Variants in KIRREL3 observed in about 807,000 individuals in gnomAD.
KIRREL3 encodes kirre like nephrin family adhesion molecule 3, also known as kin of IRRE-like protein 3.
In KIRREL3, 36 loss-of-function variants were observed where a neutral mutation model predicts 89.7. The observed-to-expected ratio is 0.40, with a 90% CI of 0.31 to 0.53. The LOEUF is 0.53. Ranked by LOEUF, KIRREL3 falls within the 20% of genes least tolerant of loss-of-function variation. KIRREL3 has a pLI of 0.49. For missense variants in KIRREL3, 864 were observed against 1,056.6 expected, an observed-to-expected ratio of 0.82 and a Z score of 2.53; for synonymous variants, 445 against 441.4, an observed-to-expected ratio of 1.01 and a Z score of -0.10.
chr11:126,435,353 G>T, intron 12 of KIRREL3, 50 bp from the exon 13 acceptor site: 2 of 1,603,624 alleles, frequency 1.2e-6, no homozygotes, highest in Non-Finnish European at 1.7e-6. Flanking sequence ...GCTGGCCAGG[G>T]TGGGGTGGGA....
chr11:126,801,379 T>C (rs1329936933), intron 1 of KIRREL3, among the ~76,000 whole-genome samples: 1 of 152,192 alleles, frequency 6.6e-6, no homozygotes, highest in Non-Finnish European at 1.5e-5. Context: ...AATGTTGCCA[T>C]AGGTACAGTC....
Position 126,441,391 on chromosome 11 carries a change from G to A in KIRREL3, c.1253-842C>T, listed in dbSNP as rs1001779359. ...TCCCCAGCGCCTCCTGTCCAGTTCCGCCTGTTACCTAACCCAAGTCTTTCC... is the reference window on the plus strand; with the variant it reads ...TCCCCAGCGCCTCCTGTCCAGTTCCACCTGTTACCTAACCCAAGTCTTTCC... On this transcript the variant is annotated intron_variant, in intron 10 of 16. Transcript: ENST00000525144. The surrounding 1 kb of genome is among the most constrained non-coding windows in gnomAD (Gnocchi z 5.0). Among the ~76,000 whole-genome samples, 2 of 152,206 alleles carry A rather than the reference G, an allele frequency of 1.3e-5. No individual in the cohort carries two copies. Among genetic ancestry groups the A allele is most frequent in the South Asian group, 2.1e-4 (1 of 4,830 alleles).
intron 1 of KIRREL3, among the ~76,000 whole-genome samples, chr11:126,658,061 G>C (rs369481742): frequency 6.6e-6 from 1 of 152,222 alleles, no homozygotes; most frequent in African/African-American, 2.4e-5. Flanking sequence ...ATTTCTGGAG[G>C]AGTCGAGTTA....
chr11:126,713,731 G>A (rs1947849572), intron 1 of KIRREL3, among the ~76,000 whole-genome samples: 1 of 152,142 alleles, frequency 6.6e-6, no homozygotes, highest in Non-Finnish European at 1.5e-5. Flanking sequence ...GAGGGTGTGG[G>A]GTTCCGTAGG....
At chr11:126,894,113 C>A (rs1946041978) in intron 1 of KIRREL3, among the ~76,000 whole-genome samples, 1 of 152,176 alleles carries the variant, frequency 6.6e-6, no homozygotes, top group Non-Finnish European at 1.5e-5. Context: ...GGGGTGGCCC[C>A]CCAGGGTGGT....
At chr11:126,967,822 GC>G (rs879770240) in intron 1 of KIRREL3, among the ~76,000 whole-genome samples, 18 of 151,074 alleles carry the variant, frequency 1.2e-4, no homozygotes, top group African/African-American at 2.9e-4. Flanking sequence ...TGGGGAGGGG[GC>G]TTGCTACAGG....
chr11:126,938,620 G>A (rs192676599), intron 1 of KIRREL3, among the ~76,000 whole-genome samples: 39 of 152,266 alleles, frequency 2.6e-4, no homozygotes, highest in Admixed American at 1.2e-3. Context: ...AAATTAGCAG[G>A]GATGATTGCT....
intron 1 of KIRREL3, among the ~76,000 whole-genome samples, chr11:126,720,335 G>A (rs754402161): frequency 3.9e-5 from 6 of 152,258 alleles, no homozygotes; most frequent in Admixed American, 2.6e-4. Context: ...CAGCCCTCAC[G>A]GCAGTGTTTG....
rs1342816553 is a variant in KIRREL3, at chr11:126,740,154, T to C, written c.56-177242A>G. 6.6e-6 allele frequency among the ~76,000 whole-genome samples: 1 copy of C among 152,226 alleles called. No individual in the cohort carries two copies. Among genetic ancestry groups the C allele is most frequent in the Non-Finnish European group, 1.5e-5 (1 of 68,046 alleles). On this transcript the variant is annotated intron_variant, in intron 1 of 16. Coordinates refer to ENST00000525144, the MANE Select transcript of KIRREL3 (RefSeq NM_032531.4). The surrounding 1 kb of genome is among the most constrained non-coding windows in gnomAD (Gnocchi z 6.0). ...CTCCTTCTTTTATTTAAGTCATTGC[T>C]CTATTTTCAAGATATTATTTTTTAG...
chr11:126,619,114 G>C (rs983508739), intron 1 of KIRREL3, among the ~76,000 whole-genome samples: 2 of 152,206 alleles, frequency 1.3e-5, no homozygotes, highest in Non-Finnish European at 2.9e-5. Context: ...AGGGTGTCTG[G>C]CCATAGGGAT....
intron 1 of KIRREL3, among the ~76,000 whole-genome samples, chr11:126,925,124 A>G (rs1413063864): frequency 1.4e-5 from 2 of 141,354 alleles, no homozygotes; most frequent in South Asian, 2.3e-4. Context: ...TGTTGGTCAC[A>G]GGATTGTGCA....
rs1332025523 is a variant in KIRREL3 at position 126,491,376 on chromosome 11, CA to C, written c.434-17911del. The stretch of plus-strand genomic sequence containing the variant: ...TGTGATGGGTGGGGACACTTGCTCT[CA>C]GGGGGAAAGAAAGCGCCCTCTCTTC... On this transcript the variant is annotated intron_variant, in intron 4 of 16. Transcript: ENST00000525144. The surrounding 1 kb of genome is among the most constrained non-coding windows in gnomAD (Gnocchi z 5.5). 1.3e-5 allele frequency among the ~76,000 whole-genome samples: 2 copies of C among 152,166 alleles called. No homozygotes were observed. Among genetic ancestry groups the C allele is most frequent in the African/African-American group, 4.8e-5 (2 of 41,442 alleles).
rs1945615448 is a variant in KIRREL3 at position 126,884,243 on chromosome 11, T to C, written c.55+116212A>G. Among the ~76,000 whole-genome samples, 3 of 152,328 alleles carry C rather than the reference T, an allele frequency of 2.0e-5. No individual in the cohort carries two copies. In the South Asian group the frequency reaches 6.2e-4, roughly 32 times the overall value. ...TGGAGGTGGTCACTGAGAATCTGCATTTTAAACAATCCCTCCAGATGACTC... is the reference window on the plus strand; with the variant it reads ...TGGAGGTGGTCACTGAGAATCTGCACTTTAAACAATCCCTCCAGATGACTC... On this transcript the variant is annotated intron_variant, in intron 1 of 16. Transcript: ENST00000525144.
chr11:126,840,888 A>G (rs1247959388), intron 1 of KIRREL3, among the ~76,000 whole-genome samples: 1 of 152,244 alleles, frequency 6.6e-6, no homozygotes, highest in Non-Finnish European at 1.5e-5. Flanking sequence ...TGCCAAAAAG[A>G]AGCTGTAAAG....
At chr11:126,616,602 T>G (rs1943362855) in intron 1 of KIRREL3, among the ~76,000 whole-genome samples, 1 of 152,182 alleles carries the variant, frequency 6.6e-6, no homozygotes, top group Non-Finnish European at 1.5e-5. Context: ...GGTGATAGGA[T>G]TTTCCTTTTA....
At chr11:126,434,090 A>G (rs1167735520) in intron 13 of KIRREL3, among the ~76,000 whole-genome samples, 1 of 152,218 alleles carries the variant, frequency 6.6e-6, no homozygotes, top group Non-Finnish European at 1.5e-5. Flanking sequence ...CCCAGTCCCC[A>G]GCCTGCCTGT....
rs926431003 is a variant in KIRREL3 at position 126,877,095 on chromosome 11, C to T, written c.55+123360G>A. On this transcript the variant is annotated intron_variant, in intron 1 of 16. Coordinates refer to ENST00000525144, the MANE Select transcript of KIRREL3 (RefSeq NM_032531.4). This position sits in a 1 kb window ranked among gnomAD's most constrained non-coding sequence, Gnocchi z 4.9. The stretch of plus-strand genomic sequence containing the variant: ...GGGCTGGGGACCTCTTGCAGGGCGA[C>T]GAGGAGATCTGACAGATGTTCCAAA... Among the ~76,000 whole-genome samples, 5 of 152,080 alleles carry T rather than the reference C, an allele frequency of 3.3e-5. No individual in the cohort carries two copies. Among genetic ancestry groups the T allele is most frequent in the African/African-American group, 4.8e-5 (2 of 41,396 alleles).
intron 1 of KIRREL3, among the ~76,000 whole-genome samples, chr11:126,649,051 A>G (rs1373756775): frequency 6.6e-6 from 1 of 152,236 alleles, no homozygotes; most frequent in African/African-American, 2.4e-5. Flanking sequence ...TGGAGATGGC[A>G]AGAGAAAAAT....
intron 12 of KIRREL3, 109 bp from the exon 13 acceptor site, chr11:126,435,412 G>A: frequency 2.7e-6 from 3 of 1,119,936 alleles, no homozygotes; most frequent in Non-Finnish European, 4.0e-6. Flanking sequence ...TCCTTTCCCA[G>A]TCATGTCTCT....
Sources: gnomAD v4.1 joint callset for allele counts (sites outside exome capture counted in the v4.1 genomes callset) on GRCh38, gnomAD v4.1.1 for gene constraint, Gnocchi (gnomAD v3.1) non-coding constraint, MANE v1.5 for transcripts, NCBI Gene and HGNC (gene_info 2026-07-23, HGNC 2026-07-21) for gene names.